Variants in BAG5 observed in about 807,000 individuals in gnomAD.
BAG5 encodes BAG cochaperone 5.
A neutral mutation model predicts 31.8 loss-of-function variants in BAG5; 25 were observed. The observed-to-expected ratio is 0.79, with a 90% CI of 0.57 to 1.10. BAG5 has a LOEUF of 1.10. Among genes scored for constraint, BAG5 ranks in the 50% least tolerant of loss-of-function variants. BAG5 has a pLI of 0.00. For synonymous variants in BAG5, 208 were observed against 205.0 expected, an observed-to-expected ratio of 1.01 and a Z score of -0.13; for missense variants, 491 against 527.9, an observed-to-expected ratio of 0.93 and a Z score of 0.68.
chr14:103,562,190 A>T, intron 1 of BAG5: 1 of 601,778 alleles, frequency 1.7e-6, no homozygotes, highest in Non-Finnish European at 3.0e-6. Flanking sequence ...GCGGCACCGG[A>T]GCTGGGCCCC....
chr14:103,562,155 G>A lies in BAG5; in HGVS notation c.-29+461C>T, dbSNP rs939168739. ...GGCGTCCCGTGGCTGAGGTGGCGAG[G>A]TGGAAGATCAGCCCTTTACGGGGTG... On this transcript the variant is annotated intron_variant, in intron 1 of 1. Transcript: ENST00000299204. The A allele has an allele frequency of 2.6e-5, 17 of 643,934 alleles. No homozygotes were observed. The East Asian group carries it at 4.1e-4, about 15-fold the overall frequency. The allele number at this position is 643,934 out of a possible 1,614,324, so 39.9% of individuals were successfully genotyped here.
chr14:103,560,056 C>T lies in BAG5; in HGVS notation c.1109G>A (p.Trp370Ter), dbSNP rs2076060711. 2.5e-6 allele frequency: 4 copies of T among 1,614,064 alleles called. No homozygotes were observed. The highest frequency in any genetic ancestry group is 3.4e-6 in the Non-Finnish European group (4 of 1,180,032). The part of the protein sequence containing the change: ...CEEHPSHKAV[W>*]NVLGNLSEIQ... ...CTCAGACAAGTTTCCAAGGACGTTCCAGACGGCTTTATGGGATGGGTGCTC... is the reference window on the plus strand; with the variant it reads ...CTCAGACAAGTTTCCAAGGACGTTCTAGACGGCTTTATGGGATGGGTGCTC... The change falls in exon 2 of 2, where the codon TGG (tryptophan) becomes TAG (stop). Residue 370 changes from tryptophan (W) to a stop codon, truncating the protein, a stop_gained. Transcript: ENST00000299204. LOFTEE classifies it high-confidence loss of function.
At position 103,557,361 on chromosome 14, in the gene BAG5, T is replaced by C. The variant is rs1267564138; in HGVS notation, c.*2460A>G. 2 of 152,166 alleles carry C rather than the reference T, an allele frequency of 1.3e-5. No homozygotes were observed. Among genetic ancestry groups the C allele is most frequent in the African/African-American group, 2.4e-5 (1 of 41,434 alleles). The allele number at this position is 152,166 out of a possible 1,614,324, so 9.4% of individuals were successfully genotyped here. On this transcript the variant is annotated 3_prime_UTR_variant, in exon 2 of 2. Transcript: ENST00000299204. ...TCCGGTACAAGGAACGAGAACAGAT[T>C]GAAACCAGAAACAAAGCCATGCCTG...
In BAG5 at chr14:103,560,440, C is replaced by T. The variant is rs1245379088; in HGVS notation, c.725G>A (p.Arg242Gln). 2 of 1,614,132 alleles carry T rather than the reference C, an allele frequency of 1.2e-6. No individual in the cohort carries two copies. The highest frequency in any genetic ancestry group is 1.7e-5 in the Admixed American group (1 of 60,010). Residue 242 changes from arginine (R) to glutamine (Q), a missense_variant, in exon 2 of 2, where the codon CGG becomes CAG. Arg to Gln is a conservative substitution (Grantham distance 43). Coordinates refer to ENST00000299204, the MANE Select transcript of BAG5 (RefSeq NM_001015048.3). The part of the protein sequence containing the change: ...VCGRTEIRNY[R>Q]REVVEDINKL... ...GTTGATATCTTCTACTACCTCCCTC[C>T]GATAATTTCTGATTTCTGTCCGGCC...
rs1340743357 is a variant in BAG5, at chr14:103,556,986, C to T, written c.*2835G>A. ...CTATACTTTGTAGACATATTCATTA[C>T]ATTTATTTTAATAACTACTTCATTA... On this transcript the variant is annotated 3_prime_UTR_variant, in exon 2 of 2. Transcript: ENST00000299204. 4 of 152,234 alleles carry T rather than the reference C, an allele frequency of 2.6e-5. No individual in the cohort carries two copies. Among genetic ancestry groups the T allele is most frequent in the African/African-American group, 9.7e-5 (4 of 41,450 alleles). The allele number at this position is 152,234 out of a possible 1,614,324, so 9.4% of individuals were successfully genotyped here.
rs1488802882 is a variant in BAG5, at chr14:103,559,850, C to T, written c.1315G>A (p.Asp439Asn). Residue 439 changes from aspartate (D) to asparagine (N), a missense_variant, in exon 2 of 2, where the codon GAC becomes AAC. Transcript: ENST00000299204. ...TACTCCCATTCATCAGATTTCAGGT[C>T]GAGATAGCTGAGAATATTCTGCGCA... ...RLAQNILSYL[D>N]LKSDEWEY 1 of 1,613,356 alleles carries T rather than the reference C, an allele frequency of 6.2e-7. No homozygotes were observed.
In BAG5 at chr14:103,558,425, G is replaced by A. The variant is rs2076050488; in HGVS notation, c.*1396C>T. ...AATATTACCCTGGATTTCCAAAGAT[G>A]TACTCTAACAGGATGACCAGGCAAA... is the stretch of plus-strand genomic sequence containing the variant. On this transcript the variant is annotated 3_prime_UTR_variant, in exon 2 of 2. Transcript: ENST00000299204. The A allele has an allele frequency of 6.6e-6, 1 of 152,200 alleles. No individual in the cohort carries two copies. Among genetic ancestry groups the A allele is most frequent in the African/African-American group, 2.4e-5 (1 of 41,414 alleles). 9.4% of individuals were successfully genotyped at this position (152,200 alleles called of 1,614,324 possible).
In BAG5 at chr14:103,558,563, T is replaced by A. The variant is rs940329394; in HGVS notation, c.*1258A>T. On this transcript the variant is annotated 3_prime_UTR_variant, in exon 2 of 2. Coordinates refer to ENST00000299204, the MANE Select transcript of BAG5 (RefSeq NM_001015048.3). ...GATCCTCAGAAAGCATTTATGGAAA[T>A]ACACATCCTTTAGAAGAGAGATGCT... The A allele has an allele frequency of 6.6e-6, 1 of 152,232 alleles. No individual in the cohort carries two copies. Among genetic ancestry groups the A allele is most frequent in the Non-Finnish European group, 1.5e-5 (1 of 68,052 alleles). 9.4% of individuals were successfully genotyped at this position (152,232 alleles called of 1,614,324 possible).
chr14:103,560,290 T>C lies in BAG5; in HGVS notation c.875A>G (p.Glu292Gly). ...VLKRMREIKNELLQAQNPSEL... is the reference protein window; with the variant it reads ...VLKRMREIKNGLLQAQNPSEL... The stretch of plus-strand genomic sequence containing the variant: ...AGAAGGGTTTTGTGCTTGGAGAAGT[T>C]CATTTTTTATTTCTCTCATTCTCTT... Residue 292 changes from glutamate to glycine, a missense_variant, in exon 2 of 2, where the codon GAA becomes GGA. Coordinates refer to ENST00000299204, the MANE Select transcript of BAG5 (RefSeq NM_001015048.3). 1 of 1,614,190 alleles carries C rather than the reference T, an allele frequency of 6.2e-7. No homozygotes were observed. The highest frequency in any genetic ancestry group is 1.6e-4 in the Middle Eastern group (1 of 6,062).
intron 1 of BAG5, chr14:103,562,371 AGCCGGGGGAG>A (rs2076085216): frequency 3.6e-6 from 1 of 276,578 alleles, no homozygotes; most frequent in Admixed American, 5.1e-5. Flanking sequence ...GGCCGGGGGA[AGCCGGGGGAG>A]GAGGGGAACC....
At chr14:103,561,559 C>T (rs1291421699) in intron 1 of BAG5, among the ~76,000 whole-genome samples, 1 of 152,128 alleles carries the variant, frequency 6.6e-6, no homozygotes, top group Non-Finnish European at 1.5e-5. Flanking sequence ...ACTAACAGTA[C>T]CCCGCCCCGC....
In BAG5 at chr14:103,558,344, T is replaced by C. The variant is rs540868082; in HGVS notation, c.*1477A>G. 7 of 152,346 alleles carry C rather than the reference T, an allele frequency of 4.6e-5. No individual in the cohort carries two copies. In the South Asian group the frequency reaches 6.2e-4, roughly 14 times the overall value. 9.4% of individuals were successfully genotyped at this position (152,346 alleles called of 1,614,324 possible). ...ACTCCTTTAGCTAGCTACTTTGAGC[T>C]GTTTAAAGTGACTATCTCCCTACAC... On this transcript the variant is annotated 3_prime_UTR_variant, in exon 2 of 2. Transcript: ENST00000299204.
In BAG5 at chr14:103,558,756, G is replaced by A. The variant is rs1382862747; in HGVS notation, c.*1065C>T. 1.3e-5 allele frequency: 2 copies of A among 152,166 alleles called. No homozygotes were observed. Among genetic ancestry groups the A allele is most frequent in the African/African-American group, 4.8e-5 (2 of 41,438 alleles). 9.4% of individuals were successfully genotyped at this position (152,166 alleles called of 1,614,324 possible). A position where few individuals can be genotyped will look rare whatever the true frequency, so the allele number is the denominator to read the frequency against. The stretch of plus-strand genomic sequence containing the variant: ...TAGTTATGACATTTACTAAGTGAGT[G>A]GTTAACAGCTGACTGCCTAGAAAAC... On this transcript the variant is annotated 3_prime_UTR_variant, in exon 2 of 2. Coordinates refer to ENST00000299204, the MANE Select transcript of BAG5 (RefSeq NM_001015048.3).
chr14:103,560,693 C>T lies in BAG5; in HGVS notation c.472G>A (p.Ala158Thr). The T allele has an allele frequency of 6.2e-7, 1 of 1,614,140 alleles. No homozygotes were observed. The highest frequency in any genetic ancestry group is 1.1e-5 in the South Asian group (1 of 91,080). The change falls in exon 2 of 2, where the codon GCG becomes ACG. Residue 158 changes from alanine to threonine, a missense_variant. Ala to Thr is a moderately conservative substitution (Grantham distance 58). Transcript: ENST00000299204. Reference protein sequence around the residue: ...ARYHTLTKICAVQEIIEDCMK... With the variant: ...ARYHTLTKICTVQEIIEDCMK... ...CAGTCTTCGATTATCTCTTGCACCG[C>T]ACAGATTTTGGTTAAAGTGTGATAC...
In BAG5 at chr14:103,562,631, C is replaced by T. The variant is rs867165527; in HGVS notation, c.-44G>A. ...CTTCGCTCACCTGTCCCGCCCGCGC[C>T]ATCGCGCGATGCGTCGCCGACGCTT... is the stretch of plus-strand genomic sequence containing the variant. On this transcript the variant is annotated 5_prime_UTR_variant, in exon 1 of 2. It removes an upstream start codon present in the reference 5' UTR. Coordinates refer to ENST00000299204, the MANE Select transcript of BAG5 (RefSeq NM_001015048.3). 5.6e-5 allele frequency: 11 copies of T among 195,194 alleles called. No homozygotes were observed. Among genetic ancestry groups the T allele is most frequent in the African/African-American group, 1.9e-4 (8 of 42,826 alleles). The allele number at this position is 195,194 out of a possible 1,614,324, so 12.1% of individuals were successfully genotyped here. A position where few individuals can be genotyped will look rare whatever the true frequency, so the allele number is the denominator to read the frequency against.
chr14:103,560,957 G>C lies in BAG5; in HGVS notation c.208C>G (p.Arg70Gly), dbSNP rs374328614. Residue 70 changes from arginine (R) to glycine (G), a missense_variant, in exon 2 of 2, where the codon CGG becomes GGG. Physicochemically the swap from Arg to Gly is moderately radical, Grantham distance 125. Coordinates refer to ENST00000299204, the MANE Select transcript of BAG5 (RefSeq NM_001015048.3). ...GKGDIQQARK[R>G]AAQETERLLK... ...AGACGTTCTGTCTCCTGTGCTGCCC[G>C]CTTCCTAGCTTGCTGAATATCTCCT... 3.7e-6 allele frequency: 6 copies of C among 1,614,096 alleles called. No individual in the cohort carries two copies. The highest frequency in any genetic ancestry group is 1.7e-6 in the Non-Finnish European group (2 of 1,180,034).
rs1173353351 is a variant in BAG5, at chr14:103,560,737, A to AT, written c.427dup (p.Ile143AsnfsTer50). The AT allele has an allele frequency of 3.1e-6, 5 of 1,613,616 alleles. No individual in the cohort carries two copies. The highest frequency in any genetic ancestry group is 4.2e-6 in the Non-Finnish European group (5 of 1,179,972). ...GTGATACCTTGCTTTCCGCAAGGAG[A>AT]TTTTTCCTCCAGTTTTAACATGTGT... On this transcript the variant is annotated frameshift_variant, in exon 2 of 2. Transcript: ENST00000299204. LOFTEE classifies it high-confidence loss of function.
Position 103,560,994 on chromosome 14 carries a change from A to G in BAG5, c.171T>C (p.Asp57=). 1 of 1,614,116 alleles carries G rather than the reference A, an allele frequency of 6.2e-7. No individual in the cohort carries two copies. Among genetic ancestry groups the G allele is most frequent in the Non-Finnish European group, 8.5e-7 (1 of 1,180,046 alleles). ...TKQLFEIDSV[D]TEGKGDIQQA... The stretch of plus-strand genomic sequence containing the variant: ...GCTGAATATCTCCTTTTCCTTCAGT[A>G]TCTACAGAGTCTATTTCAAAAAGCT... The change falls in exon 2 of 2, where the codon GAT becomes GAC. Residue 57 remains aspartate (D), a synonymous_variant. Transcript: ENST00000299204.
rs1012989947 is a variant in BAG5, at chr14:103,559,484, T to G, written c.*337A>C. The G allele has an allele frequency of 2.6e-5, 6 of 234,680 alleles. No homozygotes were observed. The highest frequency in any genetic ancestry group is 4.2e-5 in the Non-Finnish European group (5 of 118,552). The allele number at this position is 234,680 out of a possible 1,614,324, so 14.5% of individuals were successfully genotyped here. A position where few individuals can be genotyped will look rare whatever the true frequency, so the allele number is the denominator to read the frequency against. ...AGTATTATGTAAGGTTATGCCTAGT[T>G]CTAGATTCTGAAAGACCTGCATTTT... On this transcript the variant is annotated 3_prime_UTR_variant, in exon 2 of 2. Transcript: ENST00000299204.
Sources: gnomAD v4.1 joint callset for allele counts (sites outside exome capture counted in the v4.1 genomes callset) on GRCh38, gnomAD v4.1.1 for gene constraint, MANE v1.5 for transcripts, NCBI Gene and HGNC (gene_info 2026-07-23, HGNC 2026-07-21) for gene names.